ATP13A4: variants seen among roughly 807,000 people sequenced by gnomAD.
ATP13A4 encodes the protein probable cation-transporting ATPase 13A4.
A neutral mutation model predicts 142.5 loss-of-function variants in ATP13A4; 114 were observed. The observed-to-expected ratio is 0.80, with a 90% CI of 0.69 to 0.93. The LOEUF (loss-of-function observed/expected upper bound fraction) is 0.93, where lower values mean the gene tolerates loss of function less well. Among genes scored for constraint, ATP13A4 ranks in the 40% least tolerant of loss-of-function variants. The pLI is 0.00. For missense variants in ATP13A4, 1,392 were observed against 1,454.0 expected (o/e 0.96, Z 0.69); for synonymous variants, 488 against 514.8 (o/e 0.95, Z 0.70).
At chr3:193,449,638 C>G (rs769738481) in intron 17 of ATP13A4, among the ~76,000 whole-genome samples, 12 of 152,214 alleles carry the variant, frequency 7.9e-5, no homozygotes, top group Non-Finnish European at 1.6e-4. Flanking sequence ...CATTTCCAGC[C>G]AAGTTGAACC....
chr3:193,467,510 T>C (rs761859568), intron 9 of ATP13A4, 24 bp from the exon 10 acceptor site: 1 of 1,610,382 alleles, frequency 6.2e-7, no homozygotes, highest in Admixed American at 1.7e-5. Flanking sequence ...GCATCTTGTT[T>C]TGTGAGGCAG....
chr3:193,537,103 T>A (rs1722628856), intron 1 of ATP13A4, among the ~76,000 whole-genome samples: 1 of 151,786 alleles, frequency 6.6e-6, no homozygotes, highest in Admixed American at 6.5e-5. Context: ...ATAAACAGGA[T>A]AATGCTAAAA....
chr3:193,493,243 T>G lies in ATP13A4; in HGVS notation c.382-83A>C, dbSNP rs144298855. On this transcript the variant is annotated intron_variant, in intron 3 of 29. Transcript: ENST00000342695. ...ACCCAGTGGCTAAAGAAGCATTTGT[T>G]TGAAAAGCAAAGATAAAACTCTAAC... 2.0e-3 allele frequency: 2,319 copies of G among 1,186,704 alleles called. 37 individuals are homozygous for G. The East Asian group carries it at 0.022, about 11-fold the overall frequency. 73.5% of individuals were successfully genotyped at this position (1,186,704 alleles called of 1,614,324 possible).
rs1331664528 is a variant in ATP13A4, at chr3:193,465,228, C to T, written c.1273-100G>A. On this transcript the variant is annotated intron_variant, in intron 11 of 29. Transcript: ENST00000342695. ...TTGAGGCGGAGTTTTGCTCTTGTCGCCCAGGCTGGAATACAGTGGTGTGAT... is the reference window on the plus strand; with the variant it reads ...TTGAGGCGGAGTTTTGCTCTTGTCGTCCAGGCTGGAATACAGTGGTGTGAT... 6 of 1,297,188 alleles carry T rather than the reference C, an allele frequency of 4.6e-6. No individual in the cohort carries two copies. The African/African-American group carries it at 8.8e-5, about 19-fold the overall frequency. 80.4% of individuals were successfully genotyped at this position (1,297,188 alleles called of 1,614,324 possible). A position where few individuals can be genotyped will look rare whatever the true frequency, so the allele number is the denominator to read the frequency against.
At chr3:193,459,989 T>C (rs1213248735) in intron 13 of ATP13A4, among the ~76,000 whole-genome samples, 6 of 152,182 alleles carry the variant, frequency 3.9e-5, no homozygotes, top group Admixed American at 3.9e-4. Flanking sequence ...CCTTCTCAAA[T>C]GTGCAGCACA....
Position 193,402,715 on chromosome 3 carries a change from C to CG in ATP13A4, c.3527dup (p.Glu1177GlyfsTer14). ...TGTAAGACACTCCTCTGCCACACTC[C>CG]GGCATGTCAGAGTGGGAGGTTTGGT... On this transcript the variant is annotated frameshift_variant, in exon 30 of 30. Coordinates refer to ENST00000342695, the MANE Select transcript of ATP13A4 (RefSeq NM_032279.4). LOFTEE classifies it high-confidence loss of function. 6.9e-7 allele frequency: 1 copy of CG among 1,458,086 alleles called. No individual in the cohort carries two copies. Among genetic ancestry groups the CG allele is most frequent in the Non-Finnish European group, 9.6e-7 (1 of 1,037,922 alleles). 90.3% of individuals were successfully genotyped at this position (1,458,086 alleles called of 1,614,324 possible).
intron 1 of ATP13A4, among the ~76,000 whole-genome samples, chr3:193,539,662 G>A (rs1722776628): frequency 6.6e-6 from 1 of 152,176 alleles, no homozygotes; most frequent in African/African-American, 2.4e-5. Context: ...TGGAGATGGG[G>A]TTGCACATAC....
chr3:193,415,045 T>G (rs138186950), intron 25 of ATP13A4, among the ~76,000 whole-genome samples: 2 of 152,246 alleles, frequency 1.3e-5, no homozygotes, highest in East Asian at 3.9e-4. Context: ...TGTGGGAAAA[T>G]AAATTGATGC....
chr3:193,416,758 T>C (rs952485549), intron 25 of ATP13A4, among the ~76,000 whole-genome samples: 5 of 151,670 alleles, frequency 3.3e-5, no homozygotes, highest in African/African-American at 1.2e-4. Flanking sequence ...AACATGTACG[T>C]TGTGGGAGTA....
intron 1 of ATP13A4, among the ~76,000 whole-genome samples, chr3:193,533,205 C>A (rs921246335): frequency 6.6e-6 from 1 of 152,080 alleles, no homozygotes. Flanking sequence ...AATAGCAAGA[C>A]CTCATCTCTA....
In ATP13A4 at chr3:193,489,783, T is replaced by C; in HGVS notation, c.685A>G (p.Ile229Val). 1 of 1,611,182 alleles carries C rather than the reference T, an allele frequency of 6.2e-7. No individual in the cohort carries two copies. The highest frequency in any genetic ancestry group is 1.1e-5 in the South Asian group (1 of 91,046). Residue 229 changes from isoleucine (I) to valine (V), a missense_variant, in exon 7 of 30, where the codon ATC becomes GTC. Transcript: ENST00000342695. The part of the protein sequence containing the change: ...SEDYKEYAFA[I>V]IIMSIISISL... ...ATGGAAATTATGGACATGATTATGA[T>C]GGCAAAAGCATATTCCTTATAGTCT...
Position 193,449,796 on chromosome 3 carries a change from C to T in ATP13A4, c.2028-1466G>A, listed in dbSNP as rs146008288. On this transcript the variant is annotated intron_variant, in intron 17 of 29. Coordinates refer to ENST00000342695, the MANE Select transcript of ATP13A4 (RefSeq NM_032279.4). ...TCCCAATGTTCTGAGCCTTATACCA[C>T]GTCCCCCACAAAGGCTCCCTCAGAT... 1.9e-3 allele frequency among the ~76,000 whole-genome samples: 288 copies of T among 152,280 alleles called. 1 individual carries two copies. Among genetic ancestry groups the T allele is most frequent in the African/African-American group, 6.4e-3 (266 of 41,558 alleles).
In ATP13A4 at chr3:193,491,346, T is replaced by C; in HGVS notation, c.586A>G (p.Lys196Glu). The C allele has an allele frequency of 1.2e-6, 2 of 1,601,908 alleles. No individual in the cohort carries two copies. The highest frequency in any genetic ancestry group is 1.7e-6 in the Non-Finnish European group (2 of 1,169,284). The part of the protein sequence containing the change: ...TIDVEVTPIW[K>E]LLIKEVLNPF... Reference sequence around the variant, plus strand: ...GAAATTACCTCCTTGATGAGCAGTTTCCAAATTGGTGTAACTTCAACATCG... The same window carrying C: ...GAAATTACCTCCTTGATGAGCAGTTCCCAAATTGGTGTAACTTCAACATCG... Residue 196 changes from lysine (K) to glutamate (E), a missense_variant, in exon 6 of 30, where the codon AAA (lysine) becomes GAA (glutamate). Transcript: ENST00000342695.
intron 1 of ATP13A4, among the ~76,000 whole-genome samples, chr3:193,515,675 C>A (rs1721371730): frequency 6.6e-6 from 1 of 152,158 alleles, no homozygotes; most frequent in African/African-American, 2.4e-5. Context: ...AGTCTCACCT[C>A]TAATAAATAT....
chr3:193,465,016 T>C lies in ATP13A4; in HGVS notation c.1385A>G (p.Lys462Arg). Residue 462 changes from lysine (K) to arginine (R), a missense_variant, in exon 12 of 30, where the codon AAG (lysine) becomes AGG (arginine). Coordinates refer to ENST00000342695, the MANE Select transcript of ATP13A4 (RefSeq NM_032279.4). ...TGIIYAQRRL[K>R]KRGIFCISPQ... ...GCTAATGCAGAAGATGCCTCTCTTC[T>C]TCAGCCTCCTCTGGGCATAGATAAT... The C allele has an allele frequency of 1.2e-6, 2 of 1,614,144 alleles. No homozygotes were observed. The highest frequency in any genetic ancestry group is 1.7e-6 in the Non-Finnish European group (2 of 1,180,010).
At chr3:193,579,390 G>A in intron 2 of ATP13A4, 1 of 217,380 alleles carries the variant, frequency 4.6e-6, no homozygotes, top group Non-Finnish European at 9.1e-6. Flanking sequence ...TGACAATGTT[G>A]ATATGAGTCT....
intron 25 of ATP13A4, among the ~76,000 whole-genome samples, chr3:193,428,854 TG>T (rs1715818418): frequency 6.6e-6 from 1 of 151,020 alleles, no homozygotes; most frequent in African/African-American, 2.4e-5. Flanking sequence ...GACGAGTTAA[TG>T]GGGGCAGCTC....
chr3:193,552,992 G>A (rs921167362), intron 1 of ATP13A4, among the ~76,000 whole-genome samples: 2 of 152,232 alleles, frequency 1.3e-5, no homozygotes, highest in African/African-American at 4.8e-5. Flanking sequence ...GGAGGAGTGA[G>A]TTAAAAAGGA....
intron 3 of ATP13A4, among the ~76,000 whole-genome samples, chr3:193,494,278 G>A (rs1720105973): frequency 6.6e-6 from 1 of 151,898 alleles, no homozygotes; most frequent in African/African-American, 2.4e-5. Flanking sequence ...AGACCAAATG[G>A]ACCTAATAGA....
Sources: gnomAD v4.1 joint callset for allele counts (sites outside exome capture counted in the v4.1 genomes callset) on GRCh38, gnomAD v4.1.1 for gene constraint, MANE v1.5 for transcripts, NCBI Gene and HGNC (gene_info 2026-07-23, HGNC 2026-07-21) for gene names.